The following ADAM10 variants were observed in gnomAD, a reference collection of about 807,000 sequenced individuals.
ADAM10 encodes the protein ADAM metallopeptidase domain 10, also known as disintegrin and metalloproteinase domain-containing protein 10.
Under a neutral mutation model 90.1 loss-of-function variants are expected in ADAM10, and 17 were observed. The observed-to-expected ratio is 0.19, with a 90% CI of 0.13 to 0.28. The LOEUF is 0.28. ADAM10 is among the 10% of genes least tolerant of loss of function. ADAM10 has a pLI of 1.00. For synonymous variants in ADAM10, 310 were observed against 298.6 expected, an observed-to-expected ratio of 1.04 and a Z score of -0.40; for missense variants, 610 against 914.3, an observed-to-expected ratio of 0.67 and a Z score of 4.29.
At chr15:58,674,712 T>C (rs1451835414) in intron 4 of ADAM10, among the ~76,000 whole-genome samples, 1 of 152,196 alleles carries the variant, frequency 6.6e-6, no homozygotes, top group Non-Finnish European at 1.5e-5. Context: ...TTTCCACAAA[T>C]GAGGAAGCTT....
At chr15:58,657,575 T>C (rs1896857800) in intron 5 of ADAM10, among the ~76,000 whole-genome samples, 1 of 152,228 alleles carries the variant, frequency 6.6e-6, no homozygotes, top group Admixed American at 6.5e-5. Flanking sequence ...ATTTATCTGA[T>C]AGTATTCCGA....
chr15:58,668,597 C>G (rs2140733681), intron 4 of ADAM10, among the ~76,000 whole-genome samples: 1 of 150,014 alleles, frequency 6.7e-6, no homozygotes, highest in East Asian at 2.1e-4. Context: ...ATTCCACCTC[C>G]CCAGGGAAGT....
At chr15:58,620,660 A>ATTTTTTTTT (rs570842513) in intron 11 of ADAM10, among the ~76,000 whole-genome samples, 2 of 59,414 alleles carry the variant, frequency 3.4e-5, no homozygotes, top group South Asian at 8.1e-4. Context: ...AAGAATATGT[A>ATTTTTTTTT]TTTTTTTTTT....
At chr15:58,743,708 G>A (rs1283131542) in intron 1 of ADAM10, among the ~76,000 whole-genome samples, 3 of 151,894 alleles carry the variant, frequency 2.0e-5, no homozygotes, top group South Asian at 2.1e-4. Context: ...GGGTTCAAGC[G>A]ATTCTCCTGC....
At chr15:58,663,635 T>C (rs1456214702) in intron 5 of ADAM10, among the ~76,000 whole-genome samples, 1 of 152,196 alleles carries the variant, frequency 6.6e-6, no homozygotes, top group East Asian at 1.9e-4. Context: ...AATCTACAAA[T>C]CAATAAAGGG....
intron 8 of ADAM10, among the ~76,000 whole-genome samples, chr15:58,635,341 C>A (rs1384622331): frequency 6.6e-6 from 1 of 150,516 alleles, no homozygotes; most frequent in Non-Finnish European, 1.5e-5. Flanking sequence ...ATTTTCAATC[C>A]AGAACTCTGC....
At chr15:58,636,101 A>G (rs1245394936) in intron 8 of ADAM10, among the ~76,000 whole-genome samples, 2 of 152,044 alleles carry the variant, frequency 1.3e-5, no homozygotes, top group Non-Finnish European at 2.9e-5. Context: ...ACATGTTGAA[A>G]CCTCATCTTT....
intron 5 of ADAM10, among the ~76,000 whole-genome samples, chr15:58,651,011 C>G (rs1252339553): frequency 6.6e-6 from 1 of 151,868 alleles, no homozygotes; most frequent in Non-Finnish European, 1.5e-5. Context: ...ATATTCAAAC[C>G]ATTTCTCCAG....
chr15:58,615,842 T>C (rs1262548047), intron 11 of ADAM10, among the ~76,000 whole-genome samples: 4 of 152,050 alleles, frequency 2.6e-5, no homozygotes, highest in Non-Finnish European at 5.9e-5. Context: ...ACCCCGTCTC[T>C]ATTAAAAATA....
chr15:58,749,490 C>A lies in ADAM10; in HGVS notation c.45G>T (p.Ala15=), dbSNP rs541177219. The A allele has an allele frequency of 6.4e-6, 10 of 1,552,156 alleles. No homozygotes were observed. Among genetic ancestry groups the A allele is most frequent in the Non-Finnish European group, 7.8e-6 (9 of 1,147,864 alleles). The change falls in exon 1 of 16, where the codon GCG becomes GCT. Residue 15 remains alanine, a synonymous_variant. Transcript: ENST00000260408. Reference sequence around the variant, plus strand: ...GCAGTCGTGCCTCACCTCCCATCCCCGCCGCCCAGGAGAGGAGCAGAATTA... The same window carrying A: ...GCAGTCGTGCCTCACCTCCCATCCCAGCCGCCCAGGAGAGGAGCAGAATTA... The part of the protein sequence containing the change: ...RVLILLLSWA[A]GMGGQYGNPL...
rs780166798 is a variant in ADAM10 at position 58,640,756 on chromosome 15, A to G, written c.1012+21T>C. On this transcript the variant is annotated intron_variant, in intron 8 of 15. Coordinates refer to ENST00000260408, the MANE Select transcript of ADAM10 (RefSeq NM_001110.4). ...TTTGTTTCAAGTAGTAAGTTAAGACATATTTAATATGATAAACTACCTGAA... is the reference window on the plus strand; with the variant it reads ...TTTGTTTCAAGTAGTAAGTTAAGACGTATTTAATATGATAAACTACCTGAA... 2.5e-6 allele frequency: 4 copies of G among 1,610,256 alleles called. No individual in the cohort carries two copies. In the South Asian group the frequency reaches 4.4e-5, roughly 18 times the overall value.
At chr15:58,696,624 A>C (rs555488231) in intron 2 of ADAM10, among the ~76,000 whole-genome samples, 4 of 151,870 alleles carry the variant, frequency 2.6e-5, no homozygotes, top group Non-Finnish European at 5.9e-5. Context: ...TGCCATCATG[A>C]CCAGCTAATT....
At position 58,609,541 on chromosome 15, in the gene ADAM10, T is replaced by C. The variant is rs190567518; in HGVS notation, c.2025+756A>G. 5.2e-3 allele frequency: 720 copies of C among 139,056 alleles called. 6 individuals are homozygous for C. Among genetic ancestry groups the C allele is most frequent in the Non-Finnish European group, 7.3e-3 (444 of 60,702 alleles). The allele number at this position is 139,056 out of a possible 1,614,324, so 8.6% of individuals were successfully genotyped here. A position where few individuals can be genotyped will look rare whatever the true frequency, so the allele number is the denominator to read the frequency against. ...ATACATACATACACACACACACACA[T>C]ACACACTAATTTGAGAAAGGGGAAT... On this transcript the variant is annotated intron_variant, in intron 14 of 15. Transcript: ENST00000260408.
At chr15:58,624,873 A>G (rs1240821212) in intron 10 of ADAM10, among the ~76,000 whole-genome samples, 1 of 152,146 alleles carries the variant, frequency 6.6e-6, no homozygotes, top group Non-Finnish European at 1.5e-5. Flanking sequence ...ATAGGTACAC[A>G]TTTTGTTATA....
At chr15:58,616,187 A>T (rs1458512005) in intron 11 of ADAM10, among the ~76,000 whole-genome samples, 1 of 152,228 alleles carries the variant, frequency 6.6e-6, no homozygotes, top group East Asian at 1.9e-4. Flanking sequence ...TAACGGTTGG[A>T]GACTTCAACA....
intron 4 of ADAM10, among the ~76,000 whole-genome samples, chr15:58,669,052 CAT>C (rs1162388830): frequency 1.3e-5 from 2 of 152,108 alleles, no homozygotes; most frequent in Non-Finnish European, 2.9e-5. Flanking sequence ...ATCTCCTAAT[CAT>C]ATGTCAATGT....
In ADAM10 at chr15:58,724,102, G is replaced by A. The variant is rs747420790; in HGVS notation, c.56-6375C>T. Among the ~76,000 whole-genome samples, 92 of 151,954 alleles carry A rather than the reference G, an allele frequency of 6.1e-4. 1 individual carries two copies. The highest frequency in any genetic ancestry group is 3.9e-3 in the Admixed American group (60 of 15,248). ...TGAGGCAGGAGAATTGCTTGAACCC[G>A]GGAGGCAGAAGTTACAGTGAGCCGA... On this transcript the variant is annotated intron_variant, in intron 1 of 15. Transcript: ENST00000260408.
At chr15:58,717,772 C>A (rs1036499611) in intron 1 of ADAM10, 45 bp from the exon 2 acceptor site, 1 of 1,588,838 alleles carries the variant, frequency 6.3e-7, no homozygotes, top group Non-Finnish European at 8.6e-7. Context: ...ATCTTGAAGA[C>A]CCCTTCTAGT....
chr15:58,721,998 A>G (rs1235891529), intron 1 of ADAM10, among the ~76,000 whole-genome samples: 1 of 152,104 alleles, frequency 6.6e-6, no homozygotes, highest in Non-Finnish European at 1.5e-5. Context: ...ATTGCAATCC[A>G]GCCTGGGTGA....
Sources: allele counts gnomAD v4.1 joint callset (sites outside exome capture counted in the v4.1 genomes callset), GRCh38; gene constraint gnomAD v4.1.1; transcripts MANE v1.5; gene names NCBI Gene and HGNC (gene_info 2026-07-23, HGNC 2026-07-21).